Variants in AFM observed in about 807,000 individuals in gnomAD.
The protein encoded by AFM is afamin.
Under a neutral mutation model 68.7 loss-of-function variants are expected in AFM, and 82 were observed. The ratio of observed to expected loss-of-function variants is 1.19; its 90% confidence interval spans 1.00 to 1.43. The LOEUF (loss-of-function observed/expected upper bound fraction) is 1.43. Ranked by LOEUF, AFM falls within the 40% of genes most tolerant of loss-of-function variation. The pLI, the probability that AFM is intolerant of heterozygous loss-of-function variation, is 0.00. For synonymous variants in AFM, 250 were observed against 234.2 expected (o/e 1.07, Z -0.61); for missense variants, 772 against 701.8 (o/e 1.10, Z -1.13).
At chr4:73,499,982 G>T (rs1460566044) in intron 11 of AFM, 22 bp from the exon 12 acceptor site, 2 of 1,595,598 alleles carry the variant, frequency 1.3e-6, no homozygotes, top group Non-Finnish European at 1.7e-6. Context: ...TCGTATCTCA[G>T]TTGCAACTCT....
intron 4 of AFM, 96 bp from the exon 5 acceptor site, chr4:73,486,871 C>A: frequency 1.8e-6 from 2 of 1,115,392 alleles, no homozygotes; most frequent in Non-Finnish European, 2.6e-6. Flanking sequence ...TCCCATCTTA[C>A]CCTCCCTTCC....
intron 7 of AFM, among the ~76,000 whole-genome samples, chr4:73,490,741 C>T (rs1013215628): frequency 6.6e-6 from 1 of 152,098 alleles, no homozygotes; most frequent in Non-Finnish European, 1.5e-5. Context: ...AAATTTCCTT[C>T]TTTTTAATGT....
In AFM at chr4:73,484,487, T is replaced by TTTCTTTC. The variant is rs1300780034; in HGVS notation, c.270+100_270+106dup. ...CTTTCTTTCTTTCTTTCTTTCTTTC[T>TTTCTTTC]TTCTTTCTTTCTTTCTTTCATTCTT... is the stretch of plus-strand genomic sequence containing the variant. On this transcript the variant is annotated intron_variant, in intron 3 of 14. Transcript: ENST00000226355. 9.1e-6 allele frequency: 7 copies of TTTCTTTC among 766,126 alleles called. No homozygotes were observed. In the African/African-American group the frequency reaches 9.6e-5, roughly 10 times the overall value. The allele number at this position is 766,126 out of a possible 1,614,324, so 47.5% of individuals were successfully genotyped here.
chr4:73,497,851 G>A (rs560257437), intron 10 of AFM, 102 bp downstream of exon 10: 67 of 628,032 alleles, frequency 1.1e-4, no homozygotes, highest in Non-Finnish European at 1.6e-4. Flanking sequence ...AGTTATGGCC[G>A]ATTCATAAAC....
Position 73,491,961 on chromosome 4 carries a change from C to T in AFM, c.933C>T (p.Gly311=). The change falls in exon 8 of 15, where the codon GGC becomes GGT. Residue 311 remains glycine, a synonymous_variant. Transcript: ENST00000226355. ...GTGAAAAGAAAATACCAGAGCGCGG[C>T]CAGTGCATAATTAACTCAAACAAAG... The part of the protein sequence containing the change: ...ECCEKKIPER[G]QCIINSNKDD... 6.2e-7 allele frequency: 1 copy of T among 1,613,740 alleles called. No homozygotes were observed. The highest frequency in any genetic ancestry group is 2.2e-5 in the East Asian group (1 of 44,858).
At chr4:73,499,626 C>T (rs1358534785) in intron 11 of AFM, among the ~76,000 whole-genome samples, 1 of 152,086 alleles carries the variant, frequency 6.6e-6, no homozygotes, top group Non-Finnish European at 1.5e-5. Flanking sequence ...GCATTGAATA[C>T]ATCTCTTTAG....
intron 3 of AFM, among the ~76,000 whole-genome samples, chr4:73,485,224 A>G (rs974758338): frequency 6.6e-6 from 1 of 152,070 alleles, no homozygotes. Context: ...ACTAAACACT[A>G]CTTCTAAACA....
At chr4:73,486,113 T>C (rs920057979) in intron 4 of AFM, 40 bp downstream of exon 4, 11 of 1,525,022 alleles carry the variant, frequency 7.2e-6, no homozygotes, top group South Asian at 1.1e-5. Context: ...AGTTGAAGAA[T>C]TAGTCTTAGG....
At chr4:73,487,210 T>G in intron 5 of AFM, 111 bp downstream of exon 5, 1 of 1,154,070 alleles carries the variant, frequency 8.7e-7, no homozygotes, top group Non-Finnish European at 1.2e-6. Context: ...TGATGTTCTC[T>G]TGTCACATTC....
chr4:73,500,195 T>C lies in AFM; in HGVS notation c.1614T>C (p.Ser538=). 6.2e-7 allele frequency: 1 copy of C among 1,613,570 alleles called. No individual in the cohort carries two copies. The highest frequency in any genetic ancestry group is 8.5e-7 in the Non-Finnish European group (1 of 1,179,770). ...CCTTTCACGCAGACATGTGTCAATC[T>C]CAGAATGAGGAGCTTCAGAGGAAGA... ...LFTFHADMCQ[S]QNEELQRKTD... is the part of the protein sequence containing the mutation. The change falls in exon 12 of 15, where the codon TCT becomes TCC. Residue 538 remains serine, a synonymous_variant. Coordinates refer to ENST00000226355, the MANE Select transcript of AFM (RefSeq NM_001133.2).
At chr4:73,482,478 C>T (rs1026645016) in intron 1 of AFM, among the ~76,000 whole-genome samples, 2 of 152,150 alleles carry the variant, frequency 1.3e-5, no homozygotes, top group African/African-American at 4.8e-5. Context: ...ACAAATGTGC[C>T]CTAAGCATGG....
chr4:73,484,489 T>TCTTTCTTC lies in AFM; in HGVS notation c.270+106_270+107insCCTTTCTT, dbSNP rs1553894005. ...TTCTTTCTTTCTTTCTTTCTTTCTT[T>TCTTTCTTC]CTTTCTTTCTTTCTTTCATTCTTTC... On this transcript the variant is annotated intron_variant, in intron 3 of 14. Coordinates refer to ENST00000226355, the MANE Select transcript of AFM (RefSeq NM_001133.2). 2,986 of 789,314 alleles carry TCTTTCTTC rather than the reference T, an allele frequency of 3.8e-3. 7 individuals are homozygous for TCTTTCTTC. Among genetic ancestry groups the TCTTTCTTC allele is most frequent in the Non-Finnish European group, 4.4e-3 (2,398 of 543,664 alleles). 48.9% of individuals were successfully genotyped at this position (789,314 alleles called of 1,614,324 possible).
intron 6 of AFM, 89 bp from the exon 7 acceptor site, chr4:73,488,541 G>A: frequency 8.6e-7 from 1 of 1,157,010 alleles, no homozygotes; most frequent in Non-Finnish European, 1.2e-6. Context: ...AATACTTTTT[G>A]TAGCTATTCA....
In AFM at chr4:73,486,926, T is replaced by A. The variant is rs199774816; in HGVS notation, c.483-41T>A. ...TCTACATTCATTGCTTCCTGTTTCT[T>A]CCCTCACCCGTCTTCTCTCTTTCAT... On this transcript the variant is annotated intron_variant, in intron 4 of 14. Coordinates refer to ENST00000226355, the MANE Select transcript of AFM (RefSeq NM_001133.2). The A allele has an allele frequency of 5.0e-5, 80 of 1,595,256 alleles. No homozygotes were observed. The East Asian group carries it at 1.7e-3, about 34-fold the overall frequency.
chr4:73,487,934 T>TG, intron 6 of AFM, 113 bp downstream of exon 6: 1 of 708,236 alleles, frequency 1.4e-6, no homozygotes, highest in Non-Finnish European at 2.4e-6. Flanking sequence ...CTAGGGGCTT[T>TG]GGGGTGAGTC....
At chr4:73,481,905 A>G in intron 1 of AFM, 42 bp downstream of exon 1, 6 of 1,327,692 alleles carry the variant, frequency 4.5e-6, no homozygotes, top group Non-Finnish European at 6.3e-6. Context: ...ATGACCAGTT[A>G]GGATAATTTC....
intron 8 of AFM, 146 bp downstream of exon 8, chr4:73,492,232 T>A (rs1194610260): frequency 5.9e-6 from 4 of 682,444 alleles, no homozygotes; most frequent in Non-Finnish European, 9.8e-6. Context: ...GGCTATAGAG[T>A]GTAGTTTTCA....
intron 10 of AFM, 73 bp from the exon 11 acceptor site, chr4:73,499,041 G>C: frequency 6.5e-7 from 1 of 1,529,808 alleles, no homozygotes; most frequent in Non-Finnish European, 8.9e-7. Context: ...GAAGGGTCTG[G>C]GCTTCAGCAG....
At position 73,488,615 on chromosome 4, in the gene AFM, C is replaced by A. The variant is rs1349304779; in HGVS notation, c.714-15C>A. ...TGTTCAAATTATTTTTGTGGTTTAT[C>A]AATTCTCTTTCCAGATATATTGCGA... On this transcript the variant is annotated splice_polypyrimidine_tract_variant and intron_variant, in intron 6 of 14. Transcript: ENST00000226355. The A allele has an allele frequency of 1.3e-6, 2 of 1,597,318 alleles. No homozygotes were observed. Among genetic ancestry groups the A allele is most frequent in the South Asian group, 1.1e-5 (1 of 88,436 alleles).
Sources: allele counts gnomAD v4.1 joint callset (sites outside exome capture counted in the v4.1 genomes callset), GRCh38; gene constraint gnomAD v4.1.1; transcripts MANE v1.5; gene names NCBI Gene and HGNC (gene_info 2026-07-23, HGNC 2026-07-21).